Variants in SLCO6A1 observed in about 807,000 individuals in gnomAD.
The protein encoded by SLCO6A1 is cancer/testis antigen 48.
In SLCO6A1, 65 loss-of-function variants were observed where a neutral mutation model predicts 72.7. The ratio of observed to expected loss-of-function variants is 0.89; its 90% CI spans 0.73 to 1.10. The LOEUF is 1.10. SLCO6A1 is among the 50% of genes least tolerant of loss of function. SLCO6A1 has a pLI of 0.00. For synonymous variants in SLCO6A1, 314 were observed against 298.2 expected, an observed-to-expected ratio of 1.05 and a Z score of -0.55; for missense variants, 874 against 872.6, an observed-to-expected ratio of 1.00 and a Z score of -0.02.
intron 4 of SLCO6A1, among the ~76,000 whole-genome samples, chr5:102,463,763 G>C (rs1380154477): frequency 6.6e-6 from 1 of 152,168 alleles, no homozygotes; most frequent in Non-Finnish European, 1.5e-5. Flanking sequence ...GCGCATGCCT[G>C]TAATCCCAGC....
chr5:102,466,592 T>C (rs1004218132), intron 4 of SLCO6A1, among the ~76,000 whole-genome samples: 1 of 152,184 alleles, frequency 6.6e-6, no homozygotes, highest in Non-Finnish European at 1.5e-5. Context: ...CTTTGAGGAA[T>C]TACCGCACTG....
At chr5:102,394,384 T>C (rs1171908937) in intron 10 of SLCO6A1, among the ~76,000 whole-genome samples, 1 of 151,890 alleles carries the variant, frequency 6.6e-6, no homozygotes. Context: ...AGCAAAACAA[T>C]GTAAAGAAGG....
In SLCO6A1 at chr5:102,472,160, GAGA is replaced by G. The variant is rs569572457; in HGVS notation, c.899+3534_899+3536del. 2.8e-3 allele frequency among the ~76,000 whole-genome samples: 419 copies of G among 152,224 alleles called. 2 individuals carry two copies. Among genetic ancestry groups the G allele is most frequent in the African/African-American group, 9.7e-3 (405 of 41,560 alleles). On this transcript the variant is annotated intron_variant, in intron 4 of 13. Transcript: ENST00000506729. ...CAGCCTCCCTGAGCAGAGGAGGGTGGAGAAGATTTTAGAAAGATGAAGAGTAAA... is the reference window on the plus strand; with the variant it reads ...CAGCCTCCCTGAGCAGAGGAGGGTGGAGATTTTAGAAAGATGAAGAGTAAA...
chr5:102,377,622 A>G (rs1239529720), intron 12 of SLCO6A1, among the ~76,000 whole-genome samples: 1 of 151,754 alleles, frequency 6.6e-6, no homozygotes, highest in Admixed American at 6.6e-5. Context: ...TAATAAAAAG[A>G]GTATTGTTTG....
intron 6 of SLCO6A1, among the ~76,000 whole-genome samples, chr5:102,454,709 CT>C (rs1371546078): frequency 2.0e-5 from 3 of 150,810 alleles, no homozygotes; most frequent in Non-Finnish European, 2.9e-5. Flanking sequence ...CAAAAAAAAC[CT>C]TAAAACACTC....
intron 12 of SLCO6A1, among the ~76,000 whole-genome samples, chr5:102,388,047 T>C (rs1381886070): frequency 1.3e-5 from 2 of 152,120 alleles, no homozygotes; most frequent in Non-Finnish European, 2.9e-5. Flanking sequence ...AAAGAGAAAA[T>C]ATGAAGTGTA....
At chr5:102,484,899 T>C (rs1752375358) in intron 1 of SLCO6A1, among the ~76,000 whole-genome samples, 2 of 152,188 alleles carry the variant, frequency 1.3e-5, no homozygotes, top group Admixed American at 1.3e-4. Context: ...AGGTGCAATA[T>C]ATTAAAGTTG....
intron 9 of SLCO6A1, among the ~76,000 whole-genome samples, chr5:102,404,850 A>C (rs1747588566): frequency 6.6e-6 from 1 of 152,166 alleles, no homozygotes. Context: ...GCAGAAATTA[A>C]ACCAAAGAGC....
chr5:102,373,429 G>A lies in SLCO6A1; in HGVS notation c.2083C>T (p.Leu695=). 1.3e-6 allele frequency: 2 copies of A among 1,578,682 alleles called. No homozygotes were observed. The highest frequency in any genetic ancestry group is 2.4e-5 in the South Asian group (2 of 83,340). The change falls in exon 13 of 14, where the codon CTA becomes TTA. Residue 695 remains leucine (L), a synonymous_variant. Transcript: ENST00000506729. ...TCTGGGAAGTCAGTGTTCTCATTTA[G>A]ACGACGTTTGTATATGAAAAATGCA... The part of the protein sequence containing the change: ...TIAFFIYKRR[L]NENTDFPDVT...
At chr5:102,456,567 G>C (rs1487727371) in intron 6 of SLCO6A1, among the ~76,000 whole-genome samples, 1 of 152,156 alleles carries the variant, frequency 6.6e-6, no homozygotes, top group African/African-American at 2.4e-5. Context: ...ACCTCTTCAA[G>C]GAGAACTACA....
At chr5:102,422,125 G>A (rs1748641267) in intron 7 of SLCO6A1, among the ~76,000 whole-genome samples, 1 of 152,144 alleles carries the variant, frequency 6.6e-6, no homozygotes, top group African/African-American at 2.4e-5. Context: ...AAGGTCATCG[G>A]CATCAAAGAT....
chr5:102,486,924 CA>C (rs1469188025), intron 1 of SLCO6A1, among the ~76,000 whole-genome samples: 1 of 152,070 alleles, frequency 6.6e-6, no homozygotes, highest in African/African-American at 2.4e-5. Context: ...TTTAATTTCA[CA>C]AAAAATAAAT....
chr5:102,460,731 G>T (rs1461542899), intron 4 of SLCO6A1, among the ~76,000 whole-genome samples: 1 of 151,806 alleles, frequency 6.6e-6, no homozygotes, highest in East Asian at 1.9e-4. Flanking sequence ...TGCCAACCAA[G>T]ATCTGGTGAA....
intron 1 of SLCO6A1, among the ~76,000 whole-genome samples, chr5:102,485,128 G>A (rs1466414092): frequency 6.6e-6 from 1 of 152,082 alleles, no homozygotes; most frequent in African/African-American, 2.4e-5. Flanking sequence ...GCATCTGCCT[G>A]TAATCCCAGC....
intron 1 of SLCO6A1, among the ~76,000 whole-genome samples, chr5:102,494,018 A>G (rs1752798802): frequency 6.6e-6 from 1 of 152,178 alleles, no homozygotes. Flanking sequence ...TCGAAAGGAT[A>G]CCTGATTTTA....
chr5:102,436,340 G>T (rs1045294875), intron 7 of SLCO6A1, among the ~76,000 whole-genome samples: 1 of 152,110 alleles, frequency 6.6e-6, no homozygotes, highest in Non-Finnish European at 1.5e-5. Context: ...ACCTGCAAGG[G>T]TAACTGATAA....
chr5:102,450,098 T>C (rs1750335718), intron 6 of SLCO6A1, among the ~76,000 whole-genome samples: 1 of 152,218 alleles, frequency 6.6e-6, no homozygotes, highest in African/African-American at 2.4e-5. Context: ...ATCTAAAATC[T>C]TCATTTCCAT....
intron 12 of SLCO6A1, among the ~76,000 whole-genome samples, chr5:102,377,504 T>TC (rs1745864647): frequency 6.6e-6 from 1 of 152,072 alleles, no homozygotes; most frequent in Non-Finnish European, 1.5e-5. Context: ...GGGAAAAATT[T>TC]CCATATTTGG....
At chr5:102,383,029 G>A (rs1304285250) in intron 12 of SLCO6A1, among the ~76,000 whole-genome samples, 1 of 145,224 alleles carries the variant, frequency 6.9e-6, no homozygotes, top group East Asian at 2.0e-4. Flanking sequence ...TATATATGGT[G>A]TACACATACA....
Sources: gnomAD v4.1 joint callset for allele counts (sites outside exome capture counted in the v4.1 genomes callset) on GRCh38, gnomAD v4.1.1 for gene constraint, MANE v1.5 for transcripts, NCBI Gene and HGNC (gene_info 2026-07-23, HGNC 2026-07-21) for gene names.